EXOC6: variants seen among roughly 807,000 people sequenced by gnomAD.
The protein encoded by EXOC6 is exocyst complex component 6.
Under a neutral mutation model 112.5 loss-of-function variants are expected in EXOC6, and 60 were observed. The ratio of observed to expected loss-of-function variants is 0.53; its 90% CI spans 0.43 to 0.66. EXOC6 has a LOEUF of 0.66. Ranked by LOEUF, EXOC6 falls within the 30% of genes least tolerant of loss-of-function variation. EXOC6 has a pLI of 0.00. For missense variants in EXOC6, 855 were observed against 957.1 expected (o/e 0.89, Z 1.41); for synonymous variants, 295 against 308.0 (o/e 0.96, Z 0.44).
rs775729898 is a variant in EXOC6 at position 92,997,442 on chromosome 10, TGTTTGATTTTTG to T, written c.1954-23_1954-12del. 5 of 1,581,624 alleles carry T rather than the reference TGTTTGATTTTTG, an allele frequency of 3.2e-6. No individual in the cohort carries two copies. In the Admixed American group the frequency reaches 7.2e-5, roughly 23 times the overall value. On this transcript the variant is annotated intron_variant, in intron 18 of 21. Coordinates refer to ENST00000260762, the MANE Select transcript of EXOC6 (RefSeq NM_019053.6). ...TGATGTATTTCTATGTGTGTTTATT[TGTTTGATTTTTG>T]GTTTGATTGTTTTAAACAGGGGAAA...
chr10:92,977,156 G>A (rs918466978), intron 18 of EXOC6, among the ~76,000 whole-genome samples: 1 of 152,058 alleles, frequency 6.6e-6, no homozygotes, highest in African/African-American at 2.4e-5. Context: ...TGAGCAGTGT[G>A]ATATAAATAA....
At chr10:92,883,973 T>C (rs1849084494) in intron 1 of EXOC6, among the ~76,000 whole-genome samples, 1 of 152,194 alleles carries the variant, frequency 6.6e-6, no homozygotes. Context: ...CTTGGCTCAC[T>C]GCAGCCTCTG....
intron 20 of EXOC6, among the ~76,000 whole-genome samples, chr10:93,026,535 G>C (rs1845030722): frequency 6.6e-6 from 1 of 152,166 alleles, no homozygotes; most frequent in East Asian, 1.9e-4. Flanking sequence ...ACAAATCTAA[G>C]GTTTGTGATA....
chr10:92,951,510 C>T (rs1228969367), intron 14 of EXOC6, among the ~76,000 whole-genome samples: 1 of 152,120 alleles, frequency 6.6e-6, no homozygotes, highest in African/African-American at 2.4e-5. Flanking sequence ...GAAGAAACCA[C>T]TGGATTGAAC....
Position 93,030,446 on chromosome 10 carries a change from A to G in EXOC6, c.2169+16179A>G, listed in dbSNP as rs760218188. ...AATTTTATGAAGTTTGATAATTACTAGAGAATTAATGCTGCTTAGATGCAG... is the reference window on the plus strand; with the variant it reads ...AATTTTATGAAGTTTGATAATTACTGGAGAATTAATGCTGCTTAGATGCAG... On this transcript the variant is annotated intron_variant, in intron 20 of 21. Transcript: ENST00000260762. Among the ~76,000 whole-genome samples the G allele has an allele frequency of 1.6e-4, 24 of 152,258 alleles. 1 individual carries two copies. Among genetic ancestry groups the G allele is most frequent in the South Asian group, 6.2e-4 (3 of 4,836 alleles).
In EXOC6 at chr10:92,952,253, T is replaced by C. The variant is rs1853461505; in HGVS notation, c.1417-20T>C. 1 of 1,480,144 alleles carries C rather than the reference T, an allele frequency of 6.8e-7. No homozygotes were observed. The highest frequency in any genetic ancestry group is 9.3e-7 in the Non-Finnish European group (1 of 1,071,800). 91.7% of individuals were successfully genotyped at this position (1,480,144 alleles called of 1,614,324 possible). On this transcript the variant is annotated intron_variant, in intron 14 of 21. Coordinates refer to ENST00000260762, the MANE Select transcript of EXOC6 (RefSeq NM_019053.6). ...TTTTTCTAAAATTTCAAAAACAATA[T>C]TAACTTTCTTTTTCTACAGCAGTCT... is the stretch of plus-strand genomic sequence containing the variant.
At chr10:92,953,997 G>A (rs111657589) in intron 15 of EXOC6, among the ~76,000 whole-genome samples, 2,265 of 152,144 alleles carry the variant, frequency 0.015, 52 homozygotes, top group African/African-American at 0.051. Flanking sequence ...ACTGTCTTTT[G>A]GGGCTGGGCG....
intron 20 of EXOC6, among the ~76,000 whole-genome samples, chr10:93,052,969 A>G (rs1846370278): frequency 6.6e-6 from 1 of 152,202 alleles, no homozygotes; most frequent in African/African-American, 2.4e-5. Flanking sequence ...AATAACAAAC[A>G]TATTATTTGT....
At chr10:92,923,704 G>A (rs1851563147) in intron 8 of EXOC6, among the ~76,000 whole-genome samples, 1 of 152,206 alleles carries the variant, frequency 6.6e-6, no homozygotes, top group African/African-American at 2.4e-5. Context: ...TCTCAGAAGT[G>A]ACATACCATT....
chr10:92,871,235 A>G (rs1848431193), intron 1 of EXOC6, among the ~76,000 whole-genome samples: 3 of 152,060 alleles, frequency 2.0e-5, no homozygotes, highest in Admixed American at 2.0e-4. Context: ...GTTACTAAAA[A>G]TAAGATTTCA....
rs542248881 is a variant in EXOC6, at chr10:92,896,427, C to T, written c.412+1407C>T. Among the ~76,000 whole-genome samples the T allele has an allele frequency of 3.7e-4, 55 of 149,070 alleles. No individual in the cohort carries two copies. The East Asian group carries it at 0.011, about 29-fold the overall frequency. ...GGCCAGGCTGGTTTCAAACTTCTGG[C>T]CTCAAATGATCTGCCTGCCTCGGCC... is the stretch of plus-strand genomic sequence containing the variant. On this transcript the variant is annotated intron_variant, in intron 4 of 21. Transcript: ENST00000260762.
At chr10:92,956,832 T>C (rs949417257) in intron 17 of EXOC6, among the ~76,000 whole-genome samples, 1 of 152,162 alleles carries the variant, frequency 6.6e-6, no homozygotes, top group Non-Finnish European at 1.5e-5. Flanking sequence ...AGTTCTTTAA[T>C]GTAAATGATT....
chr10:93,028,439 C>T (rs1051629839), intron 20 of EXOC6, among the ~76,000 whole-genome samples: 4 of 152,134 alleles, frequency 2.6e-5, no homozygotes, highest in Non-Finnish European at 4.4e-5. Flanking sequence ...GCTAAAATCT[C>T]ATGATAAAAT....
At chr10:93,055,268 A>G (rs1375458368) in intron 20 of EXOC6, among the ~76,000 whole-genome samples, 3 of 152,260 alleles carry the variant, frequency 2.0e-5, no homozygotes, top group Admixed American at 6.5e-5. Context: ...CTTTGTAAAC[A>G]TTAATTTTAA....
At chr10:92,920,740 G>GT (rs1156403219) in intron 8 of EXOC6, among the ~76,000 whole-genome samples, 1 of 152,074 alleles carries the variant, frequency 6.6e-6, no homozygotes, top group Non-Finnish European at 1.5e-5. Context: ...AGTTTTGCCA[G>GT]TTTTTTATTC....
At chr10:92,931,262 A>G (rs552648648) in intron 9 of EXOC6, among the ~76,000 whole-genome samples, 4 of 152,142 alleles carry the variant, frequency 2.6e-5, no homozygotes, top group African/African-American at 9.6e-5. Flanking sequence ...CAATAAACCA[A>G]TTTAAAAATG....
intron 6 of EXOC6, 139 bp downstream of exon 6, chr10:92,909,770 A>G: frequency 1.7e-6 from 1 of 601,456 alleles, no homozygotes; most frequent in Non-Finnish European, 2.8e-6. Context: ...TATTGTTTAG[A>G]AAGGATTCTA....
At chr10:92,966,907 A>G (rs575124061) in intron 17 of EXOC6, among the ~76,000 whole-genome samples, 4 of 130,614 alleles carry the variant, frequency 3.1e-5, no homozygotes, top group African/African-American at 1.2e-4. Flanking sequence ...TCCCACCAAC[A>G]GTGTAAAAGT....
chr10:92,864,869 A>G (rs1848102127), intron 1 of EXOC6, among the ~76,000 whole-genome samples: 1 of 152,084 alleles, frequency 6.6e-6, no homozygotes, highest in Non-Finnish European at 1.5e-5. Context: ...ACGGCATGTT[A>G]TGGTACAACT....
Sources: allele counts gnomAD v4.1 joint callset (sites outside exome capture counted in the v4.1 genomes callset), GRCh38; gene constraint gnomAD v4.1.1; transcripts MANE v1.5; gene names NCBI Gene and HGNC (gene_info 2026-07-23, HGNC 2026-07-21).